The following MFN1 variants were observed in gnomAD, a reference collection of about 807,000 sequenced individuals.
The protein encoded by MFN1 is mitofusin 1, also known as mitofusin-1.
In MFN1, 65 loss-of-function variants were observed where a neutral mutation model predicts 92.4. The observed-to-expected ratio is 0.70, with a 90% CI of 0.58 to 0.86. The LOEUF is 0.86. Among genes scored for constraint, MFN1 ranks in the 40% least tolerant of loss-of-function variants. The pLI is 0.00. For missense variants in MFN1, 781 were observed against 868.0 expected (o/e 0.90, Z 1.26); for synonymous variants, 297 against 300.9 (o/e 0.99, Z 0.13).
At chr3:179,363,876 A>C (rs1054699921) in intron 5 of MFN1, among the ~76,000 whole-genome samples, 15 of 152,306 alleles carry the variant, frequency 9.8e-5, no homozygotes, top group Admixed American at 9.8e-4. Flanking sequence ...ATATACCCAT[A>C]AAAATTTTAA....
chr3:179,392,106 T>A lies in MFN1; in HGVS notation c.*47T>A. The A allele has an allele frequency of 8.3e-7, 1 of 1,208,718 alleles. No homozygotes were observed. Among genetic ancestry groups the A allele is most frequent in the Admixed American group, 1.9e-5 (1 of 52,614 alleles). 74.9% of individuals were successfully genotyped at this position (1,208,718 alleles called of 1,614,324 possible). On this transcript the variant is annotated 3_prime_UTR_variant, in exon 18 of 18. Transcript: ENST00000471841. ...CCATGATAGGAGGAAACGAAACTTGTAAGATTGGAACAGTTGTTATTTTTA... is the reference window on the plus strand; with the variant it reads ...CCATGATAGGAGGAAACGAAACTTGAAAGATTGGAACAGTTGTTATTTTTA...
chr3:179,348,513 G>A (rs1712009536), intron 1 of MFN1, among the ~76,000 whole-genome samples: 1 of 152,136 alleles, frequency 6.6e-6, no homozygotes, highest in Non-Finnish European at 1.5e-5. Context: ...TGTGAATTTG[G>A]CTTCGCCTCA....
At chr3:179,381,442 C>T (rs1560199585) in intron 14 of MFN1, among the ~76,000 whole-genome samples, 2 of 152,298 alleles carry the variant, frequency 1.3e-5, no homozygotes, top group Middle Eastern at 6.8e-3. Flanking sequence ...GAAAGCCTGC[C>T]ATTGTTGCTG....
In MFN1 at chr3:179,385,870, A is replaced by C. The variant is rs539053526; in HGVS notation, c.1815+149A>C. On this transcript the variant is annotated intron_variant, in intron 15 of 17. Transcript: ENST00000471841. ...TTTGCAGGTTAAAAGTAGTGAATTA[A>C]ATATCACAAGTTTCATCTTAAATTT... 832 of 733,516 alleles carry C rather than the reference A, an allele frequency of 1.1e-3. 8 individuals carry two copies. In the African/African-American group the frequency reaches 0.014, roughly 13 times the overall value. 45.4% of individuals were successfully genotyped at this position (733,516 alleles called of 1,614,324 possible).
chr3:179,365,590 C>T (rs142599625), intron 7 of MFN1, among the ~76,000 whole-genome samples: 1 of 152,114 alleles, frequency 6.6e-6, no homozygotes, highest in African/African-American at 2.4e-5. Context: ...ATTTAACACA[C>T]CTGTTTCAAA....
Position 179,359,892 on chromosome 3 carries a change from A to G in MFN1, c.411+890A>G, listed in dbSNP as rs145946851. The G allele has an allele frequency of 6.5e-3, 987 of 151,920 alleles. 13 individuals are homozygous for G. The highest frequency in any genetic ancestry group is 0.023 in the African/African-American group (950 of 41,464). 9.4% of individuals were successfully genotyped at this position (151,920 alleles called of 1,614,324 possible). Reference sequence around the variant, plus strand: ...TAGAATTAACAAGTTTTTTAAATCTACCCTTCCAGTGAGACTAACATTATT... The same window carrying G: ...TAGAATTAACAAGTTTTTTAAATCTGCCCTTCCAGTGAGACTAACATTATT... On this transcript the variant is annotated intron_variant, in intron 4 of 17. Coordinates refer to ENST00000471841, the MANE Select transcript of MFN1 (RefSeq NM_033540.3).
At position 179,362,418 on chromosome 3, in the gene MFN1, G is replaced by GT; in HGVS notation, c.473dup (p.Arg159ThrfsTer15). Reference sequence around the variant, plus strand: ...CAAAGATTTGAAAGCTGGCTGTCTTGTACGTGTGTTTTGGCCAAAAGCAAA... The same window carrying GT: ...CAAAGATTTGAAAGCTGGCTGTCTTGTTACGTGTGTTTTGGCCAAAAGCAAA... On this transcript the variant is annotated frameshift_variant, in exon 5 of 18. Transcript: ENST00000471841. LOFTEE classifies it high-confidence loss of function. 1 of 1,613,722 alleles carries GT rather than the reference G, an allele frequency of 6.2e-7. No individual in the cohort carries two copies. The highest frequency in any genetic ancestry group is 8.5e-7 in the Non-Finnish European group (1 of 1,179,982).
chr3:179,382,619 T>TA (rs1374199197), intron 14 of MFN1, among the ~76,000 whole-genome samples: 1 of 152,240 alleles, frequency 6.6e-6, no homozygotes, highest in African/African-American at 2.4e-5. Flanking sequence ...ATAGTATTTC[T>TA]AGTTCTAGAT....
In MFN1 at chr3:179,393,396, T is replaced by C. The variant is rs540094784; in HGVS notation, c.*1337T>C. 1 of 152,122 alleles carries C rather than the reference T, an allele frequency of 6.6e-6. No individual in the cohort carries two copies. Among genetic ancestry groups the C allele is most frequent in the Non-Finnish European group, 1.5e-5 (1 of 68,020 alleles). 9.4% of individuals were successfully genotyped at this position (152,122 alleles called of 1,614,324 possible). On this transcript the variant is annotated 3_prime_UTR_variant, in exon 18 of 18. Transcript: ENST00000471841. ...ACATGTAGTTTATGTTTCCTTTTCA[T>C]GGGAGGGATAAAATTTAAAGCTTTT...
intron 14 of MFN1, among the ~76,000 whole-genome samples, chr3:179,385,293 T>A (rs956035726): frequency 6.6e-6 from 1 of 151,808 alleles, no homozygotes; most frequent in Non-Finnish European, 1.5e-5. Context: ...TTAGTTTTTT[T>A]AAAAACACAC....
intron 6 of MFN1, 87 bp downstream of exon 6, chr3:179,364,492 C>T (rs558893998): frequency 1.8e-5 from 19 of 1,061,706 alleles, no homozygotes; most frequent in African/African-American, 9.7e-5. Flanking sequence ...AAATCCATAT[C>T]GTGGATTAGA....
At chr3:179,363,388 A>G (rs143413386) in intron 5 of MFN1, among the ~76,000 whole-genome samples, 161 of 152,318 alleles carry the variant, frequency 1.1e-3, no homozygotes, top group South Asian at 5.2e-3. Context: ...ACCTGGCTGA[A>G]TAACAATTTA....
intron 10 of MFN1, among the ~76,000 whole-genome samples, chr3:179,376,407 C>T (rs1005911159): frequency 1.3e-5 from 2 of 152,104 alleles, no homozygotes; most frequent in African/African-American, 2.4e-5. Context: ...CAAAGTATAG[C>T]ACAAAGAAGA....
intron 14 of MFN1, among the ~76,000 whole-genome samples, chr3:179,380,983 G>C (rs533509156): frequency 6.6e-6 from 1 of 152,312 alleles, no homozygotes; most frequent in East Asian, 1.9e-4. Context: ...TCCGTAAGCT[G>C]GAAGAAGGAT....
intron 2 of MFN1, among the ~76,000 whole-genome samples, chr3:179,351,363 T>C (rs1712139173): frequency 6.6e-6 from 1 of 152,172 alleles, no homozygotes; most frequent in South Asian, 2.1e-4. Context: ...GGATACAACC[T>C]GTAATTCTCT....
chr3:179,386,349 C>T, intron 15 of MFN1, 84 bp from the exon 16 acceptor site: 1 of 1,052,484 alleles, frequency 9.5e-7, no homozygotes, highest in Non-Finnish European at 1.4e-6. Flanking sequence ...ACTCAAAGAT[C>T]CATAGGGAAC....
chr3:179,369,925 T>C (rs1292671529), intron 9 of MFN1, among the ~76,000 whole-genome samples: 1 of 152,192 alleles, frequency 6.6e-6, no homozygotes, highest in African/African-American at 2.4e-5. Flanking sequence ...CTTAAAGTCA[T>C]GGAATGTCCA....
chr3:179,362,637 A>G lies in MFN1; in HGVS notation c.536+155A>G, dbSNP rs140923724. On this transcript the variant is annotated intron_variant, in intron 5 of 17. Transcript: ENST00000471841. ...AGAGATATGGTATTGGTTTTATTTT[A>G]TAAGTTACATAAAAGCACCAATTCA... 9.2e-5 allele frequency among the ~76,000 whole-genome samples: 14 copies of G among 152,326 alleles called. No homozygotes were observed. In the East Asian group the frequency reaches 2.5e-3, roughly 27 times the overall value.
At chr3:179,374,653 G>A (rs951638835) in intron 9 of MFN1, among the ~76,000 whole-genome samples, 2 of 151,966 alleles carry the variant, frequency 1.3e-5, no homozygotes, top group Non-Finnish European at 2.9e-5. Context: ...CTAAACAGCT[G>A]CAGATATTTT....
Sources: gnomAD v4.1 joint callset for allele counts (sites outside exome capture counted in the v4.1 genomes callset) on GRCh38, gnomAD v4.1.1 for gene constraint, MANE v1.5 for transcripts, NCBI Gene and HGNC (gene_info 2026-07-23, HGNC 2026-07-21) for gene names.